GPR107: variants seen among roughly 807,000 people sequenced by gnomAD.
GPR107 encodes the protein protein GPR107.
In GPR107, 31 loss-of-function variants were observed where a neutral mutation model predicts 75.5. The observed-to-expected ratio is 0.41, with a 90% CI of 0.31 to 0.55. GPR107 has a LOEUF of 0.55. GPR107 is among the 20% of genes least tolerant of loss of function. GPR107 has a pLI of 0.26. For missense variants in GPR107, 572 were observed against 665.7 expected (o/e 0.86, Z 1.55); for synonymous variants, 267 against 251.3 (o/e 1.06, Z -0.59).
chr9:130,054,817 G>A (rs1274534358), intron 1 of GPR107, among the ~76,000 whole-genome samples: 1 of 152,216 alleles, frequency 6.6e-6, no homozygotes, highest in Non-Finnish European at 1.5e-5. Flanking sequence ...TGTGGCTCAT[G>A]CCTGTAATCC....
chr9:130,131,639 G>A (rs1249999679), intron 17 of GPR107, among the ~76,000 whole-genome samples: 1 of 151,644 alleles, frequency 6.6e-6, no homozygotes, highest in Non-Finnish European at 1.5e-5. Flanking sequence ...TGAAGCCACA[G>A]TCTTCCTGCA....
chr9:130,074,970 C>A (rs943433790), intron 1 of GPR107, among the ~76,000 whole-genome samples: 5 of 151,202 alleles, frequency 3.3e-5, no homozygotes, highest in African/African-American at 1.2e-4. Flanking sequence ...GTGGGGATGA[C>A]GATAACATGG....
At chr9:130,054,414 C>A (rs879506169) in intron 1 of GPR107, among the ~76,000 whole-genome samples, 13 of 152,338 alleles carry the variant, frequency 8.5e-5, no homozygotes, top group Non-Finnish European at 1.8e-4. Flanking sequence ...TTCTTTCTCC[C>A]CTCCAGCTTT....
chr9:130,054,615 G>C (rs1283335099), intron 1 of GPR107, among the ~76,000 whole-genome samples: 2 of 152,190 alleles, frequency 1.3e-5, no homozygotes, highest in Admixed American at 1.3e-4. Context: ...CCAGCATTAA[G>C]GTGTGTCTCT....
At chr9:130,127,456 T>C (rs1457780432) in intron 15 of GPR107, 27 bp from the exon 16 acceptor site, 5 of 1,227,200 alleles carry the variant, frequency 4.1e-6, no homozygotes, top group Non-Finnish European at 6.0e-6. Flanking sequence ...GTTGATCTGA[T>C]TTCCTGTTTC....
intron 14 of GPR107, among the ~76,000 whole-genome samples, chr9:130,109,084 C>T (rs995349584): frequency 6.7e-6 from 1 of 148,718 alleles, no homozygotes; most frequent in Non-Finnish European, 1.5e-5. Context: ...ACTGCAACCT[C>T]CACCTCCTGG....
intron 6 of GPR107, 82 bp from the exon 7 acceptor site, chr9:130,086,333 CATGTT>C: frequency 2.7e-6 from 2 of 748,250 alleles, no homozygotes; most frequent in Non-Finnish European, 4.7e-6. Flanking sequence ...GTTTAAGAAA[CATGTT>C]TTGTTTTGTT....
intron 14 of GPR107, 150 bp from the exon 15 acceptor site, chr9:130,124,765 G>A: frequency 3.3e-6 from 2 of 598,278 alleles, no homozygotes; most frequent in East Asian, 6.4e-5. Flanking sequence ...AGACCGCCCA[G>A]CGGACTTGAT....
rs1225178568 is a variant in GPR107 at position 130,128,582 on chromosome 9, C to CTT, written c.1441-56_1441-55dup. On this transcript the variant is annotated intron_variant, in intron 16 of 17. Coordinates refer to ENST00000347136, the MANE Select transcript of GPR107 (RefSeq NM_020960.5). ...TATGTCAGTTTGTTGAATTCCACTG[C>CTT]TTTCTGAAGAACAGTGTTGCTAATC... The CTT allele has an allele frequency of 6.8e-6, 10 of 1,475,248 alleles. 1 individual carries two copies. The East Asian group carries it at 2.0e-4, about 30-fold the overall frequency. The allele number at this position is 1,475,248 out of a possible 1,614,324, so 91.4% of individuals were successfully genotyped here.
At chr9:130,065,922 C>A (rs1830057864) in intron 1 of GPR107, among the ~76,000 whole-genome samples, 1 of 152,108 alleles carries the variant, frequency 6.6e-6, no homozygotes, top group Non-Finnish European at 1.5e-5. Context: ...GCTGCAGCCT[C>A]ACTTTACATA....
At chr9:130,065,164 T>C (rs1830039018) in intron 1 of GPR107, among the ~76,000 whole-genome samples, 1 of 152,152 alleles carries the variant, frequency 6.6e-6, no homozygotes, top group Non-Finnish European at 1.5e-5. Context: ...TTAAGTGATA[T>C]TCGCAGCCGG....
At chr9:130,083,709 C>T in intron 6 of GPR107, 107 bp downstream of exon 6, 1 of 552,752 alleles carries the variant, frequency 1.8e-6, no homozygotes, top group Non-Finnish European at 3.1e-6. Flanking sequence ...TACATGCATG[C>T]ACAGACACAT....
intron 14 of GPR107, among the ~76,000 whole-genome samples, chr9:130,115,375 T>C (rs1831396779): frequency 6.6e-6 from 1 of 152,124 alleles, no homozygotes; most frequent in Non-Finnish European, 1.5e-5. Context: ...TCCCCCTTTT[T>C]TCCGCTCATT....
intron 16 of GPR107, 48 bp downstream of exon 16, chr9:130,127,614 A>C: frequency 1.0e-6 from 1 of 984,120 alleles, no homozygotes; most frequent in Admixed American, 1.7e-5. Context: ...GCCTGAGGAT[A>C]AAGTCTTGAA....
chr9:130,092,914 T>C (rs182840004), intron 9 of GPR107, among the ~76,000 whole-genome samples: 1 of 152,266 alleles, frequency 6.6e-6, no homozygotes, highest in African/African-American at 2.4e-5. Flanking sequence ...CCACCGTGCC[T>C]GGCCCTAAAT....
chr9:130,132,807 ATAT>A (rs1161140688), intron 17 of GPR107, among the ~76,000 whole-genome samples: 20 of 101,456 alleles, frequency 2.0e-4, no homozygotes, highest in South Asian at 1.9e-3. Context: ...TAAAAAAAAA[ATAT>A]ATATATATTT....
chr9:130,135,305 T>G lies in GPR107; in HGVS notation c.*184T>G. On this transcript the variant is annotated 3_prime_UTR_variant, in exon 18 of 18. Coordinates refer to ENST00000347136, the MANE Select transcript of GPR107 (RefSeq NM_020960.5). ...TACTCTCTTTTATGGAAACGATCTG[T>G]GGCTGTTTAGAGGCAGCTGGATCCT... 1.1e-5 allele frequency: 5 copies of G among 461,236 alleles called. No homozygotes were observed. The highest frequency in any genetic ancestry group is 7.7e-5 in the East Asian group (2 of 25,998). The allele number at this position is 461,236 out of a possible 1,614,324, so 28.6% of individuals were successfully genotyped here. A position where few individuals can be genotyped will look rare whatever the true frequency, so the allele number is the denominator to read the frequency against.
At chr9:130,091,218 G>T (rs1426320681) in intron 8 of GPR107, among the ~76,000 whole-genome samples, 1 of 152,172 alleles carries the variant, frequency 6.6e-6, no homozygotes, top group Admixed American at 6.5e-5. Context: ...GCTGGGCATG[G>T]TGGCTCATGC....
chr9:130,058,602 T>A (rs949977334), intron 1 of GPR107, among the ~76,000 whole-genome samples: 2 of 151,978 alleles, frequency 1.3e-5, no homozygotes, highest in Non-Finnish European at 1.5e-5. Context: ...GTAGCTGAGA[T>A]TACAGGCACC....
Sources: allele counts gnomAD v4.1 joint callset (sites outside exome capture counted in the v4.1 genomes callset), GRCh38; gene constraint gnomAD v4.1.1; transcripts MANE v1.5; gene names NCBI Gene and HGNC (gene_info 2026-07-23, HGNC 2026-07-21).